Variants in SBNO2 observed in about 807,000 individuals in gnomAD.
SBNO2 encodes strawberry notch homolog 2, also known as protein strawberry notch homolog 2.
SBNO2 carries 89 observed loss-of-function variants against 146.3 expected under a neutral mutation model. The ratio of observed to expected loss-of-function variants is 0.61; its 90% CI spans 0.51 to 0.73. The LOEUF (loss-of-function observed/expected upper bound fraction) is 0.73. Ranked by LOEUF, SBNO2 falls within the 30% of genes least tolerant of loss-of-function variation. SBNO2 has a pLI of 0.00. For missense variants in SBNO2, 2,092 were observed against 2,003.7 expected (o/e 1.04, Z -0.84); for synonymous variants, 1,147 against 892.6 (o/e 1.29, Z -5.08).
intron 1 of SBNO2, among the ~76,000 whole-genome samples, chr19:1,167,804 G>A (rs918617490): frequency 1.3e-5 from 2 of 152,232 alleles, no homozygotes; most frequent in Non-Finnish European, 2.9e-5. Flanking sequence ...CCTGCGGTCA[G>A]GCCGCGTGCA....
intron 1 of SBNO2, among the ~76,000 whole-genome samples, chr19:1,159,562 T>G (rs1254144590): frequency 8.0e-5 from 2 of 25,136 alleles, no homozygotes; most frequent in Admixed American, 5.0e-4. Context: ...CAGGGGACAG[T>G]GGGACAGCGG....
chr19:1,147,069 G>A (rs1244708890), intron 4 of SBNO2, among the ~76,000 whole-genome samples: 1 of 152,140 alleles, frequency 6.6e-6, no homozygotes, highest in African/African-American at 2.4e-5. Context: ...ATGCTCGCAG[G>A]GACCCCAAGG....
chr19:1,155,029 C>T (rs1232010997), intron 1 of SBNO2: 3 of 152,324 alleles, frequency 2.0e-5, no homozygotes, highest in Non-Finnish European at 4.4e-5. Context: ...CCACGTGCCC[C>T]GCGGCCTCTG....
intron 1 of SBNO2, among the ~76,000 whole-genome samples, chr19:1,161,039 C>A: frequency 7.3e-6 from 1 of 137,870 alleles, no homozygotes; most frequent in African/African-American, 2.8e-5. Flanking sequence ...CAGCCAGGCA[C>A]AGCCAGACCG....
chr19:1,163,398 G>A (rs536605295), intron 1 of SBNO2, among the ~76,000 whole-genome samples: 1 of 152,348 alleles, frequency 6.6e-6, no homozygotes, highest in East Asian at 1.9e-4. Flanking sequence ...GCTACTCCTT[G>A]ACCTCAGCTT....
intron 1 of SBNO2, among the ~76,000 whole-genome samples, chr19:1,163,760 T>C (rs552647093): frequency 3.1e-4 from 47 of 152,288 alleles, no homozygotes; most frequent in African/African-American, 1.1e-3. Flanking sequence ...TTCTCAAGCA[T>C]GCTGGGGGAC....
intron 18 of SBNO2, 49 bp from the exon 19 acceptor site, chr19:1,113,753 G>C: frequency 7.0e-7 from 1 of 1,421,226 alleles, no homozygotes; most frequent in Non-Finnish European, 9.2e-7. Flanking sequence ...CTGCCTTCTA[G>C]GGCCCACCTA....
At position 1,122,471 on chromosome 19, in the gene SBNO2, G is replaced by C; in HGVS notation, c.1002C>G (p.Ser334Arg). Residue 334 changes from serine (S) to arginine (R), a missense_variant, in exon 10 of 32, where the codon AGC (serine) becomes AGG (arginine). Physicochemically the swap from Ser to Arg is moderately radical, Grantham distance 110 (BLOSUM62 -1). Coordinates refer to ENST00000361757, the MANE Select transcript of SBNO2 (RefSeq NM_014963.3). ...EATGIAVHAL[S>R]KIKYGDTTTS... ...CTTTGCCGAGCACAGCCCCTACCTT[G>C]CTGAGCGCGTGCACCGCGATGCCCG... 6.4e-7 allele frequency: 1 copy of C among 1,570,808 alleles called. No homozygotes were observed.
intron 24 of SBNO2, 39 bp downstream of exon 24, chr19:1,111,467 C>T: frequency 7.0e-7 from 1 of 1,422,970 alleles, no homozygotes; most frequent in Non-Finnish European, 9.7e-7. Context: ...CTCTGCAACC[C>T]CTGCCCCTCC....
intron 17 of SBNO2, among the ~76,000 whole-genome samples, chr19:1,114,746 T>C (rs2079811202): frequency 6.6e-6 from 1 of 152,244 alleles, no homozygotes; most frequent in African/African-American, 2.4e-5. Flanking sequence ...GCGATTCTCC[T>C]GCCTCAGCCT....
Position 1,109,364 on chromosome 19 carries a change from C to A in SBNO2, c.3276G>T (p.Thr1092=), listed in dbSNP as rs758034628. 2 of 1,586,340 alleles carry A rather than the reference C, an allele frequency of 1.3e-6. No individual in the cohort carries two copies. The highest frequency in any genetic ancestry group is 1.7e-6 in the Non-Finnish European group (2 of 1,167,340). Residue 1092 remains threonine, a synonymous_variant, in exon 29 of 32, where the codon ACG becomes ACT. Transcript: ENST00000361757. The surrounding 1 kb of genome is among the most constrained non-coding windows in gnomAD (Gnocchi z 4.2). Reference sequence around the variant, plus strand: ...GCCGGCCGATGTTGGGCTTGTACACCGTGAAGAACTGGCCGCGGTTCTGCT... The same window carrying A: ...GCCGGCCGATGTTGGGCTTGTACACAGTGAAGAACTGGCCGCGGTTCTGCT... ...LAEQNRGQFF[T]VYKPNIGRQS... is the part of the protein sequence containing the mutation.
In SBNO2 at chr19:1,157,401, C is replaced by T. The variant is rs1483284421; in HGVS notation, c.-126-2999G>A. ...GCCACGCAGCCCCGGAGACGCTCTC[C>T]CCACGCGGCCCCGGAGACCCTCTCC... On this transcript the variant is annotated intron_variant, in intron 1 of 31. Transcript: ENST00000361757. This position sits in a 1 kb window ranked among gnomAD's most constrained non-coding sequence, Gnocchi z 6.8. Among the ~76,000 whole-genome samples the T allele has an allele frequency of 6.7e-6, 1 of 149,012 alleles. No homozygotes were observed. The highest frequency in any genetic ancestry group is 2.4e-5 in the African/African-American group (1 of 40,968).
chr19:1,174,258 G>A lies in SBNO2; in HGVS notation c.-213C>T, dbSNP rs1368133160. 4.6e-5 allele frequency: 7 copies of A among 151,888 alleles called. No individual in the cohort carries two copies. In the East Asian group the frequency reaches 1.2e-3, roughly 25 times the overall value. 9.4% of individuals were successfully genotyped at this position (151,888 alleles called of 1,614,324 possible). On this transcript the variant is annotated 5_prime_UTR_variant, in exon 1 of 32. Transcript: ENST00000361757. The stretch of plus-strand genomic sequence containing the variant: ...TGCCGCCGCTCACTTCCGGGTTTCG[G>A]GCGCCATCTTGGGGGCCCCGCGCAC...
At chr19:1,117,226 C>T in intron 15 of SBNO2, 97 bp downstream of exon 15, 1 of 1,269,868 alleles carries the variant, frequency 7.9e-7, no homozygotes, top group Non-Finnish European at 1.1e-6. Flanking sequence ...AGCCCCCGCC[C>T]ACGTCTGGGG....
intron 2 of SBNO2, among the ~76,000 whole-genome samples, chr19:1,149,798 G>T (rs981295450): frequency 6.6e-6 from 1 of 152,206 alleles, no homozygotes; most frequent in African/African-American, 2.4e-5. Context: ...ACCCTGCTTG[G>T]AGGCCCCATT....
At chr19:1,123,147 CG>C (rs1227471274) in intron 7 of SBNO2, 102 bp from the exon 8 acceptor site, 5 of 1,382,352 alleles carry the variant, frequency 3.6e-6, no homozygotes, top group Non-Finnish European at 4.9e-6. Context: ...CCAGAGCTGG[CG>C]GGGCAGTTTG....
chr19:1,147,588 G>T (rs948613262), intron 3 of SBNO2, among the ~76,000 whole-genome samples, 168 bp from the exon 4 acceptor site: 2 of 152,024 alleles, frequency 1.3e-5, no homozygotes, highest in African/African-American at 4.8e-5. Flanking sequence ...GGGCCTCCAG[G>T]GGGGTGGTGG....
At position 1,108,211 on chromosome 19, in the gene SBNO2, A is replaced by G; in HGVS notation, c.*9T>C. 1 of 1,526,354 alleles carries G rather than the reference A, an allele frequency of 6.6e-7. No homozygotes were observed. Among genetic ancestry groups the G allele is most frequent in the Non-Finnish European group, 8.8e-7 (1 of 1,134,700 alleles). The allele number at this position is 1,526,354 out of a possible 1,614,324, so 94.6% of individuals were successfully genotyped here. On this transcript the variant is annotated 3_prime_UTR_variant, in exon 32 of 32. Coordinates refer to ENST00000361757, the MANE Select transcript of SBNO2 (RefSeq NM_014963.3). ...CTGTGTCTTGGGGCATGTTTCGCCT[A>G]AAGGCGTGTCAGAGAGGAGCCTGGG...
intron 4 of SBNO2, among the ~76,000 whole-genome samples, chr19:1,133,963 A>C (rs2080060629): frequency 6.6e-6 from 1 of 152,222 alleles, no homozygotes; most frequent in South Asian, 2.1e-4. Flanking sequence ...TGCCATCAGG[A>C]GGACCCACAG....
Sources: allele counts gnomAD v4.1 joint callset (sites outside exome capture counted in the v4.1 genomes callset), GRCh38; gene constraint gnomAD v4.1.1; non-coding constraint Gnocchi (gnomAD v3.1); transcripts MANE v1.5; gene names NCBI Gene and HGNC (gene_info 2026-07-23, HGNC 2026-07-21).